The following GNA11 variants were observed in gnomAD, a reference collection of about 807,000 sequenced individuals.
GNA11 encodes the protein guanine nucleotide-binding protein subunit alpha-11.
A neutral mutation model predicts 38.2 loss-of-function variants in GNA11; 8 were observed. That is an observed-to-expected ratio of 0.21 (90% CI 0.12 to 0.38). The LOEUF is 0.38. GNA11 is among the 10% of genes least tolerant of loss of function. The pLI is 1.00. For missense variants in GNA11, 268 were observed against 516.3 expected (o/e 0.52, Z 4.66); for synonymous variants, 211 against 221.4 (o/e 0.95, Z 0.42).
At chr19:3,114,416 C>T (rs80081057) in intron 3 of GNA11, among the ~76,000 whole-genome samples, 2,770 of 152,298 alleles carry the variant, frequency 0.018, 82 homozygotes, top group African/African-American at 0.052. Flanking sequence ...TCAGTAGCTG[C>T]GCTGTGTAGA....
At position 3,103,502 on chromosome 19, in the gene GNA11, T is replaced by C. The variant is rs534291005; in HGVS notation, c.137-6647T>C. ...TGCTGGGATTACAGGCGTGAGCCAC[T>C]GCGCCCGGCCTTGAATCTTTTTTTT... On this transcript the variant is annotated intron_variant, in intron 1 of 6. Transcript: ENST00000078429. Among the ~76,000 whole-genome samples the C allele has an allele frequency of 3.0e-3, 401 of 132,652 alleles. 1 individual carries two copies. Among genetic ancestry groups the C allele is most frequent in the African/African-American group, 0.01 (382 of 36,648 alleles). The allele number at this position is 132,652 out of a possible 152,430, so 87.0% of individuals were successfully genotyped here. A position where few individuals can be genotyped will look rare whatever the true frequency, so the allele number is the denominator to read the frequency against.
rs1914043185 is a variant in GNA11, at chr19:3,120,526, C to T, written c.890-463C>T. The stretch of plus-strand genomic sequence containing the variant: ...TGGGAAGCAGCGCCCCTGCTGGAGC[C>T]CCTGGATGTCTCTGAGGCCTGGCTG... On this transcript the variant is annotated intron_variant, in intron 6 of 6. Transcript: ENST00000078429. This position sits in a 1 kb window ranked among gnomAD's most constrained non-coding sequence, Gnocchi z 5.9. Among the ~76,000 whole-genome samples, 1 of 152,128 alleles carries T rather than the reference C, an allele frequency of 6.6e-6. No homozygotes were observed. Among genetic ancestry groups the T allele is most frequent in the African/African-American group, 2.4e-5 (1 of 41,430 alleles).
chr19:3,115,533 G>C (rs1386802484), intron 4 of GNA11: 1 of 155,088 alleles, frequency 6.4e-6, no homozygotes, highest in Admixed American at 6.5e-5. Context: ...TGGGGGTGTG[G>C]GGGGCGTGGC....
chr19:3,096,580 C>T (rs919623634), intron 1 of GNA11, among the ~76,000 whole-genome samples: 2 of 152,160 alleles, frequency 1.3e-5, no homozygotes, highest in African/African-American at 4.8e-5. Flanking sequence ...GTCAGGGGCT[C>T]CCGTGTCTGC....
At chr19:3,103,519 C>CTTTTTTTTTTTTTTTTTTTTTT in intron 1 of GNA11, among the ~76,000 whole-genome samples, 1 of 45,800 alleles carries the variant, frequency 2.2e-5, no homozygotes, top group Non-Finnish European at 4.0e-5. Context: ...GGCCTTGAAT[C>CTTTTTTTTTTTTTTTTTTTTTT]TTTTTTTTTT....
chr19:3,103,621 G>A (rs1913562571), intron 1 of GNA11, among the ~76,000 whole-genome samples: 1 of 138,668 alleles, frequency 7.2e-6, no homozygotes, highest in South Asian at 2.3e-4. Context: ...TGTCTCTTGG[G>A]TTCAAGCGTT....
chr19:3,095,225 C>T (rs1239331899), intron 1 of GNA11, among the ~76,000 whole-genome samples: 1 of 152,136 alleles, frequency 6.6e-6, no homozygotes, highest in Non-Finnish European at 1.5e-5. Flanking sequence ...CTGGATCAGG[C>T]CCCCGATCAC....
chr19:3,110,363 C>T lies in GNA11; in HGVS notation c.321+30C>T, dbSNP rs41276846. 199,327 of 1,573,678 alleles carry T rather than the reference C, an allele frequency of 0.13. 13,995 individuals carry two copies. Among genetic ancestry groups the T allele is most frequent in the East Asian group, 0.23 (10,015 of 44,268 alleles). ...GCCCGCGGGCGCCTGGGGAGGGGAGCGCCTGGGCAGCTGTGGGCTTGGTGG... is the reference window on the plus strand; with the variant it reads ...GCCCGCGGGCGCCTGGGGAGGGGAGTGCCTGGGCAGCTGTGGGCTTGGTGG... On this transcript the variant is annotated intron_variant, in intron 2 of 6. Coordinates refer to ENST00000078429, the MANE Select transcript of GNA11 (RefSeq NM_002067.5). The surrounding 1 kb of genome is among the most constrained non-coding windows in gnomAD (Gnocchi z 5.4).
intron 3 of GNA11, 49 bp downstream of exon 3, chr19:3,113,533 G>A (rs1401042450): frequency 1.2e-5 from 17 of 1,382,042 alleles, no homozygotes; most frequent in East Asian, 2.4e-5. Context: ...GCTGCGGGCC[G>A]GTGCCTGGGA....
At chr19:3,116,218 G>A (rs940369409) in intron 4 of GNA11, among the ~76,000 whole-genome samples, 7 of 152,134 alleles carry the variant, frequency 4.6e-5, no homozygotes, top group Admixed American at 2.6e-4. Flanking sequence ...CCCTGGGAAC[G>A]TGGACCCTGC....
chr19:3,113,428 C>A lies in GNA11; in HGVS notation c.420C>A (p.Gly140=), dbSNP rs376120835. 44 of 1,612,810 alleles carry A rather than the reference C, an allele frequency of 2.7e-5. No homozygotes were observed. Among genetic ancestry groups the A allele is most frequent in the Non-Finnish European group, 3.5e-5 (41 of 1,179,486 alleles). Residue 140 remains glycine (G), a synonymous_variant, in exon 3 of 7, where the codon GGC becomes GGA. Coordinates refer to ENST00000078429, the MANE Select transcript of GNA11 (RefSeq NM_002067.5). ...TCAAGACCCTGTGGGAGGACCCGGG[C>A]ATCCAGGAATGCTACGACCGCAGGC... The part of the protein sequence containing the change: ...SAIKTLWEDP[G]IQECYDRRRE...
intron 3 of GNA11, among the ~76,000 whole-genome samples, chr19:3,114,238 T>G (rs1338880553): frequency 6.6e-6 from 1 of 151,912 alleles, no homozygotes; most frequent in Non-Finnish European, 1.5e-5. Flanking sequence ...GCCGGAAAGG[T>G]CTGAGCAGGC....
chr19:3,094,859 GGCC>G lies in GNA11; in HGVS notation c.136+74_136+76del. 1 of 1,209,090 alleles carries G rather than the reference GGCC, an allele frequency of 8.3e-7. No homozygotes were observed. Among genetic ancestry groups the G allele is most frequent in the Non-Finnish European group, 1.1e-6 (1 of 914,428 alleles). The allele number at this position is 1,209,090 out of a possible 1,614,324, so 74.9% of individuals were successfully genotyped here. A position where few individuals can be genotyped will look rare whatever the true frequency, so the allele number is the denominator to read the frequency against. On this transcript the variant is annotated intron_variant, in intron 1 of 6. Coordinates refer to ENST00000078429, the MANE Select transcript of GNA11 (RefSeq NM_002067.5). The surrounding 1 kb of genome is among the most constrained non-coding windows in gnomAD (Gnocchi z 6.0). ...GTGCCTGCCCTGCCTGTCCGGGTCG[GGCC>G]GGGACCCTCCGGGGTCAGCCCTGCC...
chr19:3,094,826 C>G lies in GNA11; in HGVS notation c.136+39C>G. On this transcript the variant is annotated intron_variant, in intron 1 of 6. Coordinates refer to ENST00000078429, the MANE Select transcript of GNA11 (RefSeq NM_002067.5). The surrounding 1 kb of genome is among the most constrained non-coding windows in gnomAD (Gnocchi z 6.0). ...CCGGGCCTGCCGGCTGCGGGCCCTG[C>G]CCTGCCTGTGCCTGCCCTGCCTGTC... 2.1e-6 allele frequency: 3 copies of G among 1,457,806 alleles called. No individual in the cohort carries two copies. Among genetic ancestry groups the G allele is most frequent in the Non-Finnish European group, 2.7e-6 (3 of 1,092,366 alleles). The allele number at this position is 1,457,806 out of a possible 1,614,324, so 90.3% of individuals were successfully genotyped here.
Position 3,098,656 on chromosome 19 carries a change from C to T in GNA11, c.136+3869C>T, listed in dbSNP as rs534365421. 9.2e-5 allele frequency among the ~76,000 whole-genome samples: 14 copies of T among 152,338 alleles called. No homozygotes were observed. In the South Asian group the frequency reaches 1.7e-3, roughly 18 times the overall value. On this transcript the variant is annotated intron_variant, in intron 1 of 6. Coordinates refer to ENST00000078429, the MANE Select transcript of GNA11 (RefSeq NM_002067.5). ...GCCCCCACGGGGCAGTGACAAGGCC[C>T]GGGATCCAGCATGGGGTGCGGTGGC...
intron 1 of GNA11, among the ~76,000 whole-genome samples, chr19:3,105,245 G>A (rs992387890): frequency 1.3e-5 from 2 of 152,210 alleles, no homozygotes; most frequent in Non-Finnish European, 2.9e-5. Flanking sequence ...CTGGCTTCCT[G>A]CAGTGTTCTC....
chr19:3,116,538 C>T (rs868089979), intron 4 of GNA11, among the ~76,000 whole-genome samples: 6 of 152,230 alleles, frequency 3.9e-5, no homozygotes, highest in Non-Finnish European at 8.8e-5. Context: ...GCGTCCTCCC[C>T]GCCTGCGCCT....
rs1914062147 is a variant in GNA11 at position 3,121,143 on chromosome 19, C to T, written c.1044C>T (p.Ile348=). ...RFVFAAVKDT[I]LQLNLKEYNL... ...TGTTCGCGGCCGTGAAGGACACCATCCTGCAGCTCAACCTCAAGGAGTACA... is the reference window on the plus strand; with the variant it reads ...TGTTCGCGGCCGTGAAGGACACCATTCTGCAGCTCAACCTCAAGGAGTACA... Residue 348 remains isoleucine, a synonymous_variant, in exon 7 of 7, where the codon ATC becomes ATT. Transcript: ENST00000078429. 2 of 1,613,730 alleles carry T rather than the reference C, an allele frequency of 1.2e-6. No individual in the cohort carries two copies.
At chr19:3,099,325 G>A (rs1371663305) in intron 1 of GNA11, among the ~76,000 whole-genome samples, 1 of 152,210 alleles carries the variant, frequency 6.6e-6, no homozygotes, top group Non-Finnish European at 1.5e-5. Context: ...GTGGAGGATG[G>A]GAAGCCTTGT....
Sources: gnomAD v4.1 joint callset for allele counts (sites outside exome capture counted in the v4.1 genomes callset) on GRCh38, gnomAD v4.1.1 for gene constraint, Gnocchi (gnomAD v3.1) non-coding constraint, MANE v1.5 for transcripts, NCBI Gene and HGNC (gene_info 2026-07-23, HGNC 2026-07-21) for gene names.